MDGA1: variants seen among roughly 807,000 people sequenced by gnomAD.
MDGA1 encodes MAM domain-containing glycosylphosphatidylinositol anchor protein 1.
In MDGA1, 54 loss-of-function variants were observed where a neutral mutation model predicts 101.5. The ratio of observed to expected loss-of-function variants is 0.53; its 90% CI spans 0.43 to 0.67. The LOEUF (loss-of-function observed/expected upper bound fraction) is 0.67. Among genes scored for constraint, MDGA1 ranks in the 30% least tolerant of loss-of-function variants. MDGA1 has a pLI of 0.00. For synonymous variants in MDGA1, 533 were observed against 558.3 expected (o/e 0.95, Z 0.64); for missense variants, 1,083 against 1,323.8 (o/e 0.82, Z 2.82).
At chr6:37,645,806 T>C in intron 12 of MDGA1, 127 bp downstream of exon 12, 1 of 1,145,808 alleles carries the variant, frequency 8.7e-7, no homozygotes, top group Non-Finnish European at 1.3e-6. Context: ...CCCTACCCCA[T>C]GGAAACACAG....
intron 10 of MDGA1, 42 bp from the exon 11 acceptor site, chr6:37,646,417 C>G: frequency 7.1e-7 from 1 of 1,413,638 alleles, no homozygotes; most frequent in Non-Finnish European, 9.3e-7. Flanking sequence ...GGAAGTCAGG[C>G]CCTCAGTTTC....
At chr6:37,691,478 C>A (rs758977896) in intron 1 of MDGA1, among the ~76,000 whole-genome samples, 2 of 152,126 alleles carry the variant, frequency 1.3e-5, no homozygotes, top group Non-Finnish European at 2.9e-5. Context: ...CTAAAAGGTT[C>A]ATTCCCCCTC....
chr6:37,641,882 G>C (rs971080382), intron 14 of MDGA1: 18 of 152,202 alleles, frequency 1.2e-4, no homozygotes, highest in African/African-American at 4.3e-4. Context: ...GGGAGCCCCA[G>C]TGGATGCAGA....
In MDGA1 at chr6:37,638,134, A is replaced by C; in HGVS notation, c.2776+71T>G. 7.7e-7 allele frequency: 1 copy of C among 1,304,256 alleles called. No homozygotes were observed. Among genetic ancestry groups the C allele is most frequent in the South Asian group, 1.2e-5 (1 of 81,722 alleles). 80.8% of individuals were successfully genotyped at this position (1,304,256 alleles called of 1,614,324 possible). Reference sequence around the variant, plus strand: ...TATTCAGACCCAAACACCCTCCCTCAACAGACAGGAACCCCCGCCACGCAC... The same window carrying C: ...TATTCAGACCCAAACACCCTCCCTCCACAGACAGGAACCCCCGCCACGCAC... On this transcript the variant is annotated intron_variant, in intron 16 of 16. Transcript: ENST00000434837. The surrounding 1 kb of genome is among the most constrained non-coding windows in gnomAD (Gnocchi z 4.8).
chr6:37,650,651 C>A (rs59596201), intron 7 of MDGA1, among the ~76,000 whole-genome samples: 3,372 of 152,320 alleles, frequency 0.022, 130 homozygotes, highest in African/African-American at 0.074. Flanking sequence ...GGCCTATATT[C>A]CTTCTTCCCC....
intron 14 of MDGA1, among the ~76,000 whole-genome samples, chr6:37,642,929 C>T (rs144066608): frequency 9.2e-5 from 14 of 152,362 alleles, no homozygotes; most frequent in Middle Eastern, 6.8e-3. Context: ...GGTTATGTGA[C>T]GCTCCTACCA....
At chr6:37,691,423 A>C (rs181849276) in intron 1 of MDGA1, among the ~76,000 whole-genome samples, 9 of 152,340 alleles carry the variant, frequency 5.9e-5, no homozygotes, top group Admixed American at 4.6e-4. Context: ...GTCATGTGGC[A>C]CTTACACACT....
In MDGA1 at chr6:37,638,115, GACCCAA is replaced by G; in HGVS notation, c.2776+84_2776+89del. 9.4e-7 allele frequency: 1 copy of G among 1,061,420 alleles called. No homozygotes were observed. Among genetic ancestry groups the G allele is most frequent in the Non-Finnish European group, 1.4e-6 (1 of 693,786 alleles). 65.8% of individuals were successfully genotyped at this position (1,061,420 alleles called of 1,614,324 possible). On this transcript the variant is annotated intron_variant, in intron 16 of 16. Transcript: ENST00000434837. The surrounding 1 kb of genome is among the most constrained non-coding windows in gnomAD (Gnocchi z 4.8). ...CTCAGACATTCTGAACCCCTATTCA[GACCCAA>G]ACACCCTCCCTCAACAGACAGGAAC... is the stretch of plus-strand genomic sequence containing the variant.
At chr6:37,642,452 G>A (rs1412831697) in intron 14 of MDGA1, among the ~76,000 whole-genome samples, 2 of 152,004 alleles carry the variant, frequency 1.3e-5, no homozygotes, top group Non-Finnish European at 2.9e-5. Context: ...GATTACAGGT[G>A]TGAGCCACCT....
chr6:37,653,841 A>G (rs989584625), intron 6 of MDGA1, among the ~76,000 whole-genome samples: 12 of 152,174 alleles, frequency 7.9e-5, no homozygotes, highest in African/African-American at 2.7e-4. Context: ...CATATAGGGC[A>G]TATGGAAATG....
chr6:37,657,718 G>C (rs949248564), intron 3 of MDGA1, among the ~76,000 whole-genome samples: 3 of 152,190 alleles, frequency 2.0e-5, no homozygotes, highest in Non-Finnish European at 4.4e-5. Context: ...CAGGCTCCTC[G>C]GGCTAAAGGA....
chr6:37,658,423 G>A lies in MDGA1; in HGVS notation c.208-4C>T, dbSNP rs774696673. On this transcript the variant is annotated splice_region_variant and splice_polypyrimidine_tract_variant and intron_variant, in intron 2 of 16. Transcript: ENST00000434837. ...CTGCCGTCTTGGTCCACCGTACCTGGGCCGCCAGGCGGGGCAGAGTCAGAC... is the reference window on the plus strand; with the variant it reads ...CTGCCGTCTTGGTCCACCGTACCTGAGCCGCCAGGCGGGGCAGAGTCAGAC... The A allele has an allele frequency of 6.9e-6, 11 of 1,602,656 alleles. No individual in the cohort carries two copies. The highest frequency in any genetic ancestry group is 9.4e-6 in the Non-Finnish European group (11 of 1,174,330).
chr6:37,691,549 T>A (rs918828216), intron 1 of MDGA1, among the ~76,000 whole-genome samples: 4 of 152,232 alleles, frequency 2.6e-5, no homozygotes, highest in African/African-American at 9.6e-5. Flanking sequence ...AAGTGAGGTT[T>A]ACTTTCTTTC....
At chr6:37,664,373 C>G (rs1423387753) in intron 1 of MDGA1, 1 of 459,262 alleles carries the variant, frequency 2.2e-6, no homozygotes, top group Non-Finnish European at 4.0e-6. Flanking sequence ...TGTGAAGGGG[C>G]TTTGTCATCT....
At chr6:37,693,441 C>T (rs1040981547) in intron 1 of MDGA1, among the ~76,000 whole-genome samples, 15 of 152,218 alleles carry the variant, frequency 9.9e-5, no homozygotes, top group Non-Finnish European at 1.9e-4. Context: ...CTGATGACAC[C>T]TTTGGTGAAA....
chr6:37,677,882 G>C (rs1762015259), intron 1 of MDGA1, among the ~76,000 whole-genome samples: 1 of 152,166 alleles, frequency 6.6e-6, no homozygotes, highest in Non-Finnish European at 1.5e-5. Flanking sequence ...TCCCTGGGTA[G>C]AGCTCCAGCT....
At chr6:37,667,625 G>A (rs1167314482) in intron 1 of MDGA1, among the ~76,000 whole-genome samples, 4 of 152,224 alleles carry the variant, frequency 2.6e-5, no homozygotes, top group Non-Finnish European at 5.9e-5. Flanking sequence ...ACCAAAAGAT[G>A]ATGTGCATGC....
intron 9 of MDGA1, 116 bp from the exon 10 acceptor site, chr6:37,647,440 A>AAACAAAG: frequency 1.5e-6 from 1 of 645,328 alleles, no homozygotes; most frequent in South Asian, 2.0e-5. Flanking sequence ...GGGGACGGAG[A>AAACAAAG]AACAAAGAGA....
intron 1 of MDGA1, among the ~76,000 whole-genome samples, chr6:37,668,019 G>A (rs1212870012): frequency 6.6e-6 from 1 of 152,188 alleles, no homozygotes; most frequent in Non-Finnish European, 1.5e-5. Context: ...GGGAGGCTGA[G>A]GCGGGAGGAT....
Sources: gnomAD v4.1 joint callset for allele counts (sites outside exome capture counted in the v4.1 genomes callset) on GRCh38, gnomAD v4.1.1 for gene constraint, Gnocchi (gnomAD v3.1) non-coding constraint, MANE v1.5 for transcripts, NCBI Gene and HGNC (gene_info 2026-07-23, HGNC 2026-07-21) for gene names.